Variants in NVL observed in about 807,000 individuals in gnomAD.
NVL encodes the protein nuclear valosin-containing protein-like.
In NVL, 84 loss-of-function variants were observed where a neutral mutation model predicts 110.2. The ratio of observed to expected loss-of-function variants is 0.76; its 90% CI spans 0.64 to 0.91. NVL has a LOEUF of 0.91. Among genes scored for constraint, NVL ranks in the 40% least tolerant of loss-of-function variants. The pLI, the probability that NVL is intolerant of heterozygous loss-of-function variation, is 0.00. For synonymous variants in NVL, 354 were observed against 361.1 expected, an observed-to-expected ratio of 0.98 and a Z score of 0.22; for missense variants, 882 against 1,035.9, an observed-to-expected ratio of 0.85 and a Z score of 2.04.
intron 9 of NVL, chr1:224,302,850 G>A (rs1668553637): frequency 4.0e-6 from 1 of 247,448 alleles, no homozygotes. Flanking sequence ...AGGAGTTTAA[G>A]ACCAGCCAGG....
chr1:224,288,041 G>A, intron 13 of NVL, 48 bp from the exon 14 acceptor site: 3 of 1,384,998 alleles, frequency 2.2e-6, no homozygotes, highest in Non-Finnish European at 3.0e-6. Context: ...CACCACAACA[G>A]CTATTGAAAA....
At chr1:224,292,619 C>A (rs1023737305) in intron 12 of NVL, among the ~76,000 whole-genome samples, 2 of 152,136 alleles carry the variant, frequency 1.3e-5, no homozygotes, top group South Asian at 2.1e-4. Flanking sequence ...CTGGATCTAG[C>A]CCCTATCTGA....
intron 18 of NVL, among the ~76,000 whole-genome samples, chr1:224,258,164 G>A (rs1571859779): frequency 6.6e-6 from 1 of 152,116 alleles, no homozygotes; most frequent in Non-Finnish European, 1.5e-5. Flanking sequence ...TCTGATTTTA[G>A]ATTTGTATCT....
At chr1:224,293,110 C>T (rs892414337) in intron 12 of NVL, among the ~76,000 whole-genome samples, 4 of 149,650 alleles carry the variant, frequency 2.7e-5, no homozygotes, top group African/African-American at 9.9e-5. Context: ...TGCTCTGTCG[C>T]CCAGGCTGGA....
In NVL at chr1:224,325,847, C is replaced by T. The variant is rs190220287; in HGVS notation, c.131+544G>A. Among the ~76,000 whole-genome samples the T allele has an allele frequency of 2.0e-3, 308 of 152,232 alleles. 1 individual carries two copies. The highest frequency in any genetic ancestry group is 2.7e-3 in the Non-Finnish European group (185 of 68,016). On this transcript the variant is annotated intron_variant, in intron 2 of 22. Transcript: ENST00000281701. Reference sequence around the variant, plus strand: ...TGTCACTGAGGTTAGAGTGCAGTGGCGTGACCACAGCTCACTACAGCCTTG... The same window carrying T: ...TGTCACTGAGGTTAGAGTGCAGTGGTGTGACCACAGCTCACTACAGCCTTG...
intron 16 of NVL, 78 bp from the exon 17 acceptor site, chr1:224,275,536 A>T (rs186151617): frequency 2.0e-4 from 314 of 1,567,276 alleles, no homozygotes; most frequent in Non-Finnish European, 1.6e-4. Flanking sequence ...AAACAGTTTT[A>T]TGTGACATAA....
intron 19 of NVL, among the ~76,000 whole-genome samples, chr1:224,238,374 C>A (rs1279851888): frequency 6.6e-6 from 1 of 152,180 alleles, no homozygotes; most frequent in Non-Finnish European, 1.5e-5. Flanking sequence ...TGGCAAAGTG[C>A]TCCAGGCACA....
At chr1:224,321,373 C>T (rs566977605) in intron 2 of NVL, among the ~76,000 whole-genome samples, 9 of 152,238 alleles carry the variant, frequency 5.9e-5, no homozygotes, top group South Asian at 2.1e-4. Context: ...CCATAGTTTG[C>T]CAACACCTGG....
chr1:224,310,944 G>C (rs1669457834), intron 5 of NVL, among the ~76,000 whole-genome samples: 2 of 152,212 alleles, frequency 1.3e-5, no homozygotes, highest in South Asian at 4.1e-4. Flanking sequence ...GGTTGCCTAG[G>C]CTGGTCTTAA....
chr1:224,318,551 G>A lies in NVL; in HGVS notation c.132-621C>T, dbSNP rs562375744. ...TGGGAGGTGAAGGCTGCAGTGAGCCGTGATTGCGCCAATGCACTCAGCTTG... is the reference window on the plus strand; with the variant it reads ...TGGGAGGTGAAGGCTGCAGTGAGCCATGATTGCGCCAATGCACTCAGCTTG... On this transcript the variant is annotated intron_variant, in intron 2 of 22. Transcript: ENST00000281701. Among the ~76,000 whole-genome samples the A allele has an allele frequency of 2.8e-4, 42 of 151,702 alleles. 1 individual carries two copies. Among genetic ancestry groups the A allele is most frequent in the East Asian group, 3.9e-4 (2 of 5,142 alleles).
At chr1:224,240,108 C>T (rs899071923) in intron 19 of NVL, among the ~76,000 whole-genome samples, 1 of 123,478 alleles carries the variant, frequency 8.1e-6, no homozygotes, top group Non-Finnish European at 1.6e-5. Context: ...CTGTCACAGG[C>T]CCAGGCTGGA....
intron 9 of NVL, chr1:224,301,798 C>CAAAAAAAAAAAAAAAAAAAAAAAAA: frequency 1.3e-5 from 1 of 75,896 alleles, no homozygotes; most frequent in Non-Finnish European, 2.7e-5. Flanking sequence ...AAATCTGTTT[C>CAAAAAAAAAAAAAAAAAAAAAAAAA]AAAAAAAAAA....
At chr1:224,283,904 A>C (rs1470693744) in intron 15 of NVL, among the ~76,000 whole-genome samples, 1 of 152,250 alleles carries the variant, frequency 6.6e-6, no homozygotes. Context: ...AGTAGTATAA[A>C]TAAAAGTAAG....
intron 21 of NVL, 118 bp from the exon 22 acceptor site, chr1:224,231,414 G>A: frequency 2.8e-6 from 2 of 720,530 alleles, no homozygotes; most frequent in Non-Finnish European, 4.9e-6. Flanking sequence ...GATCAGTGAT[G>A]AGATGGGCTC....
chr1:224,265,311 CT>C (rs1664388927), intron 18 of NVL, among the ~76,000 whole-genome samples: 1 of 151,882 alleles, frequency 6.6e-6, no homozygotes, highest in Non-Finnish European at 1.5e-5. Flanking sequence ...CGAGACCAGG[CT>C]GGCCAGCATG....
Position 224,294,296 on chromosome 1 carries a change from T to G in NVL, c.1296A>C (p.Leu432=), listed in dbSNP as rs1417199172. ...RAGRFDREIC[L]GIPDEASRER... ...CCCTGGATGCTTCATCTGGGATACC[T>G]AGGCATATTTCTCGGTCGAACCTTC... The change falls in exon 12 of 23, where the codon CTA becomes CTC. Residue 432 remains leucine (L), a synonymous_variant. Coordinates refer to ENST00000281701, the MANE Select transcript of NVL (RefSeq NM_002533.4). 1 of 1,614,070 alleles carries G rather than the reference T, an allele frequency of 6.2e-7. No individual in the cohort carries two copies. Among genetic ancestry groups the G allele is most frequent in the Non-Finnish European group, 8.5e-7 (1 of 1,180,046 alleles).
intron 11 of NVL, among the ~76,000 whole-genome samples, chr1:224,296,019 T>C (rs929781755): frequency 6.9e-6 from 1 of 144,568 alleles, no homozygotes; most frequent in African/African-American, 2.6e-5. Context: ...TGGTCACAGC[T>C]ATTTGGGAGG....
chr1:224,301,903 A>C (rs1474388928), intron 9 of NVL: 2 of 158,112 alleles, frequency 1.3e-5, no homozygotes, highest in Non-Finnish European at 2.8e-5. Flanking sequence ...CTTGAACCCA[A>C]CTCTAATTTG....
At chr1:224,248,224 T>A (rs1348751852) in intron 19 of NVL, among the ~76,000 whole-genome samples, 1 of 152,234 alleles carries the variant, frequency 6.6e-6, no homozygotes, top group Non-Finnish European at 1.5e-5. Flanking sequence ...ACTCTACAGT[T>A]AATCCAATGT....
Sources: allele counts gnomAD v4.1 joint callset (sites outside exome capture counted in the v4.1 genomes callset), GRCh38; gene constraint gnomAD v4.1.1; transcripts MANE v1.5; gene names NCBI Gene and HGNC (gene_info 2026-07-23, HGNC 2026-07-21).